Variants in GRID1 observed in about 807,000 individuals in gnomAD.
The protein encoded by GRID1 is glutamate receptor ionotropic, delta-1.
In GRID1, 28 loss-of-function variants were observed where a neutral mutation model predicts 98.0. The ratio of observed to expected loss-of-function variants is 0.29; its 90% CI spans 0.21 to 0.39. The LOEUF (loss-of-function observed/expected upper bound fraction) is 0.39, where lower values mean the gene tolerates loss of function less well. GRID1 is among the 10% of genes least tolerant of loss of function. The probability of loss-of-function intolerance (pLI) is 1.00; values close to 1 mark genes in which losing one functional copy is unlikely to be tolerated. For synonymous variants in GRID1, 553 were observed against 538.5 expected, an observed-to-expected ratio of 1.03 and a Z score of -0.37; for missense variants, 1,111 against 1,340.5, an observed-to-expected ratio of 0.83 and a Z score of 2.67.
chr10:85,659,202 C>T (rs1219634343), intron 12 of GRID1, among the ~76,000 whole-genome samples: 1 of 152,214 alleles, frequency 6.6e-6, no homozygotes. Context: ...TAAATGTGCA[C>T]ACCTGTTCCG....
intron 4 of GRID1, among the ~76,000 whole-genome samples, chr10:86,017,975 C>T (rs752521869): frequency 2.1e-4 from 32 of 152,156 alleles, no homozygotes; most frequent in Non-Finnish European, 3.5e-4. Flanking sequence ...GCTGCCTCAC[C>T]GCAGATTTCC....
chr10:86,032,255 G>A (rs113916587), intron 4 of GRID1, among the ~76,000 whole-genome samples: 12 of 152,060 alleles, frequency 7.9e-5, no homozygotes, highest in African/African-American at 2.4e-4. Context: ...GGTGGGGGGC[G>A]CCTCTGCCCG....
chr10:85,976,136 T>C (rs990070871), intron 4 of GRID1, among the ~76,000 whole-genome samples: 2 of 152,224 alleles, frequency 1.3e-5, no homozygotes, highest in Non-Finnish European at 2.9e-5. Context: ...TTCTCTTTTT[T>C]CCCCTTAATT....
At chr10:85,970,127 G>A (rs575806911) in intron 4 of GRID1, among the ~76,000 whole-genome samples, 1 of 152,054 alleles carries the variant, frequency 6.6e-6, no homozygotes, top group South Asian at 2.1e-4. Flanking sequence ...AAAAGAAACA[G>A]AATTCCTGAA....
At chr10:86,088,026 C>T (rs1466048922) in intron 4 of GRID1, among the ~76,000 whole-genome samples, 3 of 152,224 alleles carry the variant, frequency 2.0e-5, no homozygotes, top group Admixed American at 2.0e-4. Context: ...CCAACAACCG[C>T]GGACTGTTCC....
At chr10:85,963,813 C>G (rs2131850667) in intron 4 of GRID1, among the ~76,000 whole-genome samples, 1 of 152,284 alleles carries the variant, frequency 6.6e-6, no homozygotes, top group East Asian at 1.9e-4. Context: ...GAGATGAAAA[C>G]AAGCCCTATA....
At chr10:86,216,647 T>C (rs1030899890) in intron 2 of GRID1, among the ~76,000 whole-genome samples, 2 of 151,962 alleles carry the variant, frequency 1.3e-5, no homozygotes, top group African/African-American at 4.8e-5. Context: ...ACGAGAAGCT[T>C]GGGAGAAAGC....
chr10:86,090,186 G>T (rs1844124805), intron 4 of GRID1, among the ~76,000 whole-genome samples: 1 of 152,048 alleles, frequency 6.6e-6, no homozygotes, highest in African/African-American at 2.4e-5. Context: ...GGGAGGTCGA[G>T]GTGGGGGAAT....
At chr10:86,119,049 A>C (rs764907878) in intron 4 of GRID1, among the ~76,000 whole-genome samples, 9 of 152,166 alleles carry the variant, frequency 5.9e-5, no homozygotes, top group Non-Finnish European at 1.0e-4. Context: ...AAACTAAGAA[A>C]ATATAGGCCG....
intron 13 of GRID1, among the ~76,000 whole-genome samples, chr10:85,628,426 T>G (rs188371418): frequency 7.2e-4 from 110 of 152,056 alleles, no homozygotes; most frequent in African/African-American, 2.4e-3. Context: ...GTATGTGTAT[T>G]ATCGTGAGCA....
At chr10:85,631,985 GCACACACACACA>G (rs10634848) in intron 13 of GRID1, among the ~76,000 whole-genome samples, 34 of 147,752 alleles carry the variant, frequency 2.3e-4, no homozygotes, top group Non-Finnish European at 2.4e-4. Flanking sequence ...AAACACATAT[GCACACACACACA>G]CACACACACA....
At chr10:85,660,343 T>C (rs1207092514) in intron 12 of GRID1, among the ~76,000 whole-genome samples, 1 of 152,216 alleles carries the variant, frequency 6.6e-6, no homozygotes, top group African/African-American at 2.4e-5. Context: ...TCTGCCAGTA[T>C]TCAACAGTGT....
intron 8 of GRID1, among the ~76,000 whole-genome samples, chr10:85,749,869 C>T (rs1842030149): frequency 1.3e-5 from 2 of 152,178 alleles, no homozygotes; most frequent in African/African-American, 4.8e-5. Flanking sequence ...AGTAGACTCC[C>T]CTACTAAGTC....
At chr10:86,314,557 G>A (rs1847873994) in intron 2 of GRID1, among the ~76,000 whole-genome samples, 1 of 152,186 alleles carries the variant, frequency 6.6e-6, no homozygotes, top group Admixed American at 6.5e-5. Flanking sequence ...GGTGTTCTGG[G>A]GGCATTTCCT....
chr10:86,156,342 T>A (rs1589390783), intron 3 of GRID1, among the ~76,000 whole-genome samples: 1 of 152,356 alleles, frequency 6.6e-6, no homozygotes, highest in East Asian at 1.9e-4. Flanking sequence ...CCACAGCTCA[T>A]TAGTCCAGAA....
At chr10:86,262,461 A>G (rs1400717611) in intron 2 of GRID1, among the ~76,000 whole-genome samples, 5 of 152,174 alleles carry the variant, frequency 3.3e-5, no homozygotes, top group African/African-American at 1.2e-4. Context: ...GTCTAGGCCC[A>G]GCCGGACAGC....
At chr10:86,004,918 C>G (rs1842843127) in intron 4 of GRID1, among the ~76,000 whole-genome samples, 1 of 152,186 alleles carries the variant, frequency 6.6e-6, no homozygotes, top group African/African-American at 2.4e-5. Flanking sequence ...AAGACATAAA[C>G]TACTGTAACA....
At chr10:85,971,657 C>A (rs1842409696) in intron 4 of GRID1, among the ~76,000 whole-genome samples, 1 of 152,084 alleles carries the variant, frequency 6.6e-6, no homozygotes, top group South Asian at 2.1e-4. Flanking sequence ...TCACTCCTGC[C>A]TTTGGAATAG....
intron 4 of GRID1, among the ~76,000 whole-genome samples, chr10:86,076,010 G>A (rs1461226433): frequency 6.6e-6 from 1 of 152,208 alleles, no homozygotes; most frequent in Non-Finnish European, 1.5e-5. Flanking sequence ...TAGGTGCTTA[G>A]TAAAGTTTTA....
Sources: gnomAD v4.1 joint callset for allele counts (sites outside exome capture counted in the v4.1 genomes callset) on GRCh38, gnomAD v4.1.1 for gene constraint, MANE v1.5 for transcripts, NCBI Gene and HGNC (gene_info 2026-07-23, HGNC 2026-07-21) for gene names.